Variants in NTN4 observed in about 807,000 individuals in gnomAD.
NTN4 encodes netrin-4.
A neutral mutation model predicts 73.6 loss-of-function variants in NTN4; 32 were observed. That is an observed-to-expected ratio of 0.44 (90% CI 0.33 to 0.58). The LOEUF is 0.58. Among genes scored for constraint, NTN4 ranks in the 20% least tolerant of loss-of-function variants. The pLI, the probability that NTN4 is intolerant of heterozygous loss-of-function variation, is 0.04. For missense variants in NTN4, 654 were observed against 798.3 expected, an observed-to-expected ratio of 0.82 and a Z score of 2.18; for synonymous variants, 258 against 287.5, an observed-to-expected ratio of 0.90 and a Z score of 1.04.
intron 3 of NTN4, among the ~76,000 whole-genome samples, chr12:95,727,207 A>T (rs1245032293): frequency 6.6e-6 from 1 of 152,140 alleles, no homozygotes; most frequent in Non-Finnish European, 1.5e-5. Context: ...CTTATTGGCC[A>T]TTTGCATACC....
At chr12:95,673,628 TAA>T (rs3051520) in intron 7 of NTN4, 56,651 of 151,490 alleles carry the variant, frequency 0.37, 10,586 homozygotes, top group East Asian at 0.52. Context: ...TTTACTTTTA[TAA>T]AAAAAAAAAA....
chr12:95,790,937 G>GC (rs1485104452), upstream of NTN4, among the ~76,000 whole-genome samples: 13 of 149,052 alleles, frequency 8.7e-5, no homozygotes, highest in African/African-American at 2.9e-4. This position sits in a 1 kb window ranked among gnomAD's most constrained non-coding sequence, Gnocchi z 6.5. Flanking sequence ...CCGGGGGGGG[G>GC]GTCCCCCGCG....
At chr12:95,774,472 G>A in intron 2 of NTN4, among the ~76,000 whole-genome samples, 1 of 152,182 alleles carries the variant, frequency 6.6e-6, no homozygotes, top group East Asian at 1.9e-4. Flanking sequence ...TGTAACTACT[G>A]CTACTGTGGA....
chr12:95,724,111 T>A (rs1185636599), intron 3 of NTN4, among the ~76,000 whole-genome samples: 3 of 152,192 alleles, frequency 2.0e-5, no homozygotes, highest in African/African-American at 7.2e-5. Flanking sequence ...GAATGCCTCA[T>A]ATTTTCACAA....
At chr12:95,704,118 A>G (rs889672317) in intron 5 of NTN4, among the ~76,000 whole-genome samples, 4 of 152,112 alleles carry the variant, frequency 2.6e-5, no homozygotes, top group Non-Finnish European at 4.4e-5. Flanking sequence ...ATATGATTCA[A>G]TAGCTCTGGG....
chr12:95,786,234 C>A (rs2079166396), intron 2 of NTN4, among the ~76,000 whole-genome samples: 1 of 152,098 alleles, frequency 6.6e-6, no homozygotes, highest in Non-Finnish European at 1.5e-5. Context: ...TCTCATACAC[C>A]TGAGGGTTGG....
chr12:95,769,972 G>A (rs2079046298), intron 2 of NTN4, among the ~76,000 whole-genome samples: 1 of 152,014 alleles, frequency 6.6e-6, no homozygotes, highest in Non-Finnish European at 1.5e-5. Context: ...GGCCAGGCTG[G>A]TCTTGAACTC....
intron 2 of NTN4, among the ~76,000 whole-genome samples, chr12:95,744,364 T>C (rs2078846946): frequency 6.6e-6 from 1 of 152,206 alleles, no homozygotes; most frequent in African/African-American, 2.4e-5. Context: ...TTTTTTATCC[T>C]TTTACTTTTA....
At chr12:95,661,681 T>C (rs544681690) in intron 9 of NTN4, among the ~76,000 whole-genome samples, 1 of 152,298 alleles carries the variant, frequency 6.6e-6, no homozygotes, top group South Asian at 2.1e-4. Flanking sequence ...TTGTCTTGAA[T>C]CAATCAAGCC....
chr12:95,682,080 T>TTTTTTTTTTTTTTTAAA, intron 7 of NTN4, among the ~76,000 whole-genome samples: 1 of 118,456 alleles, frequency 8.4e-6, no homozygotes, highest in East Asian at 2.6e-4. Flanking sequence ...TTTTTTTTTT[T>TTTTTTTTTTTTTTTAAA]GAGACAAGGT....
chr12:95,787,807 A>G (rs2079180985), intron 1 of NTN4, among the ~76,000 whole-genome samples: 7 of 152,186 alleles, frequency 4.6e-5, no homozygotes, highest in Admixed American at 4.6e-4. Context: ...AAAACTTTTC[A>G]AGTACTTTGC....
At chr12:95,775,510 G>C (rs2079085480) in intron 2 of NTN4, among the ~76,000 whole-genome samples, 2 of 152,214 alleles carry the variant, frequency 1.3e-5, no homozygotes, top group Admixed American at 6.5e-5. Context: ...AATGGTCTTA[G>C]CAAACGGCAC....
At chr12:95,782,202 T>A (rs561601074) in intron 2 of NTN4, among the ~76,000 whole-genome samples, 1 of 152,170 alleles carries the variant, frequency 6.6e-6, no homozygotes, top group Non-Finnish European at 1.5e-5. Flanking sequence ...ATTTATTGAC[T>A]GCCTACTGTG....
intron 3 of NTN4, among the ~76,000 whole-genome samples, chr12:95,728,422 C>T (rs2078711366): frequency 6.6e-6 from 1 of 152,130 alleles, no homozygotes; most frequent in Non-Finnish European, 1.5e-5. Flanking sequence ...TAACAGGGGA[C>T]TTTTCATGGA....
At chr12:95,731,142 A>C (rs778490546) in intron 3 of NTN4, among the ~76,000 whole-genome samples, 38 of 152,216 alleles carry the variant, frequency 2.5e-4, no homozygotes, top group Non-Finnish European at 4.4e-4. Flanking sequence ...GAAGAGAATC[A>C]ATGCTAATTT....
chr12:95,660,268 G>A (rs1302512675), intron 9 of NTN4, among the ~76,000 whole-genome samples: 2 of 152,184 alleles, frequency 1.3e-5, no homozygotes, highest in African/African-American at 4.8e-5. Context: ...GCCTGCCTCG[G>A]CCTCCCAAAG....
chr12:95,670,772 C>T (rs1299041482), intron 7 of NTN4, among the ~76,000 whole-genome samples: 6 of 149,134 alleles, frequency 4.0e-5, no homozygotes, highest in Non-Finnish European at 5.9e-5. Flanking sequence ...GTGGAAGAGT[C>T]ACATGTGTCT....
At chr12:95,660,375 T>C (rs1001132793) in intron 9 of NTN4, among the ~76,000 whole-genome samples, 2 of 152,164 alleles carry the variant, frequency 1.3e-5, no homozygotes, top group Admixed American at 6.6e-5. Flanking sequence ...AAAGAAGCTA[T>C]GAATTTAGAA....
chr12:95,735,945 A>T (rs925280532), intron 3 of NTN4, among the ~76,000 whole-genome samples: 100 of 135,352 alleles, frequency 7.4e-4, no homozygotes, highest in African/African-American at 2.4e-3. Context: ...TTATTTATTT[A>T]TTTATTTTTT....
Sources: allele counts gnomAD v4.1 joint callset (sites outside exome capture counted in the v4.1 genomes callset), GRCh38; gene constraint gnomAD v4.1.1; non-coding constraint Gnocchi (gnomAD v3.1); transcripts MANE v1.5; gene names NCBI Gene and HGNC (gene_info 2026-07-23, HGNC 2026-07-21).